GGT1: variants seen among roughly 807,000 people sequenced by gnomAD.
The protein encoded by GGT1 is glutathione hydrolase 1 proenzyme.
In GGT1, 21 loss-of-function variants were observed where a neutral mutation model predicts 56.0. The observed-to-expected ratio is 0.38, with a 90% CI of 0.27 to 0.54. The LOEUF (loss-of-function observed/expected upper bound fraction) is 0.54, where lower values mean the gene tolerates loss of function less well. Among genes scored for constraint, GGT1 ranks in the 20% least tolerant of loss-of-function variants. The pLI is 0.82. For missense variants in GGT1, 466 were observed against 787.0 expected, an observed-to-expected ratio of 0.59 and a Z score of 4.88; for synonymous variants, 238 against 342.6, an observed-to-expected ratio of 0.69 and a Z score of 3.37.
Position 24,627,922 on chromosome 22 carries a change from C to G in GGT1, c.1279C>G (p.Pro427Ala), listed in dbSNP as rs372750547. ...FNNEMDDFSS[P>A]SITNEFGVPP... ...TAATGAAATGGACGACTTCAGCTCT[C>G]CCAGCATCACCAACGAGTTTGGGGT... Residue 427 changes from proline to alanine, a missense_variant, in exon 13 of 16, where the codon CCC becomes GCC. Pro to Ala is a conservative substitution (Grantham distance 27). Transcript: ENST00000400382. 6.2e-7 allele frequency: 1 copy of G among 1,613,896 alleles called. No individual in the cohort carries two copies. Among genetic ancestry groups the G allele is most frequent in the South Asian group, 1.1e-5 (1 of 91,074 alleles).
chr22:24,625,464 G>C (rs1397670168), intron 11 of GGT1, among the ~76,000 whole-genome samples: 1 of 152,080 alleles, frequency 6.6e-6, no homozygotes, highest in Non-Finnish European at 1.5e-5. Flanking sequence ...TTTAGAGACA[G>C]GGTCTTGCCC....
intron 7 of GGT1, among the ~76,000 whole-genome samples, chr22:24,618,548 G>A (rs769725888): frequency 6.6e-6 from 1 of 152,240 alleles, no homozygotes; most frequent in African/African-American, 2.4e-5. Context: ...CTGAGATCAT[G>A]CCACTGCACT....
At chr22:24,596,542 A>T (rs1020365077) in intron 1 of GGT1, among the ~76,000 whole-genome samples, 2 of 152,124 alleles carry the variant, frequency 1.3e-5, no homozygotes, top group Non-Finnish European at 2.9e-5. Context: ...CTCCTGCTTC[A>T]GCCTCCCAAG....
chr22:24,590,049 T>A, upstream of GGT1: 1 of 1,331,558 alleles, frequency 7.5e-7, no homozygotes, highest in Non-Finnish European at 1.0e-6. Flanking sequence ...TTCCTGTCTC[T>A]CCATCTCCTC....
Position 24,615,119 on chromosome 22 carries a change from C to G in GGT1, c.374C>G (p.Ser125Cys). ...ACCATGTTCAACAGCTCGGAGCAGT[C>G]CCAGAAGGGTAAGCCATGCGGCAGA... ...FATMFNSSEQ[S>C]QKGGLSVAVP... Residue 125 changes from serine to cysteine, a missense_variant, in exon 7 of 16, where the codon TCC (serine) becomes TGC (cysteine). By Grantham distance (112) the Ser-to-Cys change is moderately radical. Transcript: ENST00000400382. 6.2e-7 allele frequency: 1 copy of G among 1,610,486 alleles called. No homozygotes were observed. The highest frequency in any genetic ancestry group is 8.5e-7 in the Non-Finnish European group (1 of 1,178,460).
chr22:24,599,098 A>T (rs1398496753), upstream of GGT1: 2 of 152,156 alleles, frequency 1.3e-5, no homozygotes, highest in East Asian at 3.8e-4. Context: ...AAAGTCCTAG[A>T]AGATGCATTT....
chr22:24,602,852 C>T (rs377515307), upstream of GGT1, among the ~76,000 whole-genome samples: 28 of 152,300 alleles, frequency 1.8e-4, no homozygotes, highest in African/African-American at 6.0e-4. Context: ...CATCTCCAGC[C>T]CCTCCTGGCG....
chr22:24,601,435 C>G (rs906834473), upstream of GGT1, among the ~76,000 whole-genome samples: 1 of 152,182 alleles, frequency 6.6e-6, no homozygotes, highest in African/African-American at 2.4e-5. Context: ...CACAGCCTTC[C>G]TGGTGTCATG....
At chr22:24,588,570 G>A in the GGT1 span, 1 of 851,256 alleles carries the variant, frequency 1.2e-6, no homozygotes, top group Non-Finnish European at 1.7e-6. Context: ...GTGCCCGGCG[G>A]GAGGAAGCCC....
intron 7 of GGT1, among the ~76,000 whole-genome samples, chr22:24,618,227 C>T (rs1399015537): frequency 1.3e-5 from 2 of 152,136 alleles, no homozygotes; most frequent in African/African-American, 4.8e-5. Context: ...GTCCTCTCTT[C>T]GTTACTTTGA....
chr22:24,616,853 AT>A (rs201319475), intron 7 of GGT1, among the ~76,000 whole-genome samples: 2 of 150,766 alleles, frequency 1.3e-5, no homozygotes, highest in African/African-American at 2.4e-5. Context: ...TCAATCTTTC[AT>A]TTTTTTTTAA....
intron 7 of GGT1, among the ~76,000 whole-genome samples, chr22:24,615,609 C>T (rs4049865): frequency 3.0e-4 from 46 of 152,310 alleles, no homozygotes; most frequent in East Asian, 2.1e-3. Context: ...GCTGTCTATA[C>T]CGTGCCTTTT....
At chr22:24,584,487 C>T in the GGT1 span, among the ~76,000 whole-genome samples, 5 of 152,324 alleles carry the variant, frequency 3.3e-5, no homozygotes, top group African/African-American at 1.2e-4. Flanking sequence ...TCCTCACCCT[C>T]CTTGGCCATC....
Position 24,620,860 on chromosome 22 carries a change from G to A in GGT1, c.576-53G>A. The stretch of plus-strand genomic sequence containing the variant: ...CCTGTGTGGACGGGTGTGAGGGGTG[G>A]TCTAGCTGAGTCCACCCCACCTGCT... On this transcript the variant is annotated intron_variant, in intron 8 of 15. Coordinates refer to ENST00000400382, the MANE Select transcript of GGT1 (RefSeq NM_001288833.2). The surrounding 1 kb of genome is among the most constrained non-coding windows in gnomAD (Gnocchi z 5.6). The A allele has an allele frequency of 3.1e-6, 5 of 1,603,134 alleles. No individual in the cohort carries two copies. Among genetic ancestry groups the A allele is most frequent in the Non-Finnish European group, 4.3e-6 (5 of 1,175,088 alleles).
the GGT1 span, chr22:24,585,956 G>C: frequency 6.2e-7 from 1 of 1,609,772 alleles, no homozygotes; most frequent in Non-Finnish European, 8.5e-7. Flanking sequence ...GGAGGCAGGG[G>C]TGGTGGCCCC....
intron 1 of GGT1, chr22:24,607,582 G>A (rs2147287196): frequency 1.3e-5 from 2 of 157,832 alleles, no homozygotes; most frequent in Admixed American, 1.3e-4. Context: ...CCAAGTCACT[G>A]TGCGCCTCCT....
chr22:24,627,975 G>A lies in GGT1; in HGVS notation c.1332G>A (p.Gln444=), dbSNP rs1317714971. 3 of 1,585,666 alleles carry A rather than the reference G, an allele frequency of 1.9e-6. No homozygotes were observed. Among genetic ancestry groups the A allele is most frequent in the East Asian group, 2.4e-5 (1 of 42,042 alleles). ...GVPPSPANFI[Q]PGKQPLSSMC... ...CCCCCTCACCTGCCAATTTCATCCAGCCAGGTATGGGGTGGAGGTCCGGGG... is the reference window on the plus strand; with the variant it reads ...CCCCCTCACCTGCCAATTTCATCCAACCAGGTATGGGGTGGAGGTCCGGGG... The change falls in exon 13 of 16, where the codon CAG becomes CAA. Residue 444 remains glutamine, a synonymous_variant. Coordinates refer to ENST00000400382, the MANE Select transcript of GGT1 (RefSeq NM_001288833.2).
the GGT1 span, chr22:24,585,772 G>A: frequency 9.0e-7 from 1 of 1,112,056 alleles, no homozygotes; most frequent in Non-Finnish European, 1.2e-6. Context: ...ATCTCAGGCT[G>A]AGCATTTACA....
chr22:24,598,439 C>T (rs536380181), upstream of GGT1, among the ~76,000 whole-genome samples: 591 of 126,726 alleles, frequency 4.7e-3, 6 homozygotes, highest in Non-Finnish European at 3.4e-3. Flanking sequence ...GACTGAGACT[C>T]CGTCTCAAAA....
Sources: gnomAD v4.1 joint callset for allele counts (sites outside exome capture counted in the v4.1 genomes callset) on GRCh38, gnomAD v4.1.1 for gene constraint, Gnocchi (gnomAD v3.1) non-coding constraint, MANE v1.5 for transcripts, NCBI Gene and HGNC (gene_info 2026-07-23, HGNC 2026-07-21) for gene names.